The following CCDC183 variants were observed in gnomAD, a reference collection of about 807,000 sequenced individuals.
CCDC183 encodes coiled-coil domain containing 183.
CCDC183 carries 63 observed loss-of-function variants against 65.2 expected under a neutral mutation model. The ratio of observed to expected loss-of-function variants is 0.97; its 90% CI spans 0.79 to 1.19. The LOEUF is 1.19. Ranked by LOEUF, CCDC183 falls within the 50% of genes most tolerant of loss-of-function variation. The pLI, the probability that CCDC183 is intolerant of heterozygous loss-of-function variation, is 0.00. For synonymous variants in CCDC183, 323 were observed against 276.5 expected, an observed-to-expected ratio of 1.17 and a Z score of -1.67; for missense variants, 769 against 689.3, an observed-to-expected ratio of 1.12 and a Z score of -1.30.
At position 136,796,376 on chromosome 9, in the gene CCDC183, C is replaced by T. The variant is rs1046894569; in HGVS notation, c.-22C>T. 14 of 1,553,040 alleles carry T rather than the reference C, an allele frequency of 9.0e-6. No homozygotes were observed. Among genetic ancestry groups the T allele is most frequent in the Non-Finnish European group, 1.2e-5 (14 of 1,140,422 alleles). On this transcript the variant is annotated 5_prime_UTR_variant, in exon 1 of 14. Transcript: ENST00000338005. ...GGAGGCTTTGAGGTACACAGGGTCC[C>T]TTGGGGGGCCTGAGAGCAGCCATGA...
intron 1 of CCDC183, among the ~76,000 whole-genome samples, chr9:136,797,152 CTT>C (rs1847660498): frequency 6.6e-6 from 1 of 152,186 alleles, no homozygotes; most frequent in Admixed American, 6.5e-5. Context: ...CTCTGTTACT[CTT>C]TGCTACACTG....
chr9:136,796,914 G>A (rs1847657189), intron 1 of CCDC183, among the ~76,000 whole-genome samples: 2 of 152,128 alleles, frequency 1.3e-5, no homozygotes, highest in East Asian at 1.9e-4. Flanking sequence ...TCGTGGGAAA[G>A]GAAAGATCTT....
At chr9:136,798,585 C>G (rs1222855298) in intron 1 of CCDC183, among the ~76,000 whole-genome samples, 1 of 152,224 alleles carries the variant, frequency 6.6e-6, no homozygotes, top group Admixed American at 6.5e-5. Flanking sequence ...GTGTGAGCCA[C>G]CGCTCCTGGC....
At chr9:136,799,292 G>C in intron 2 of CCDC183, 69 bp downstream of exon 2, 1 of 1,516,050 alleles carries the variant, frequency 6.6e-7, no homozygotes, top group Non-Finnish European at 8.8e-7. Context: ...CACACTCGGA[G>C]GGCGGGCACC....
Position 136,799,750 on chromosome 9 carries a change from A to C in CCDC183, c.230A>C (p.Asn77Thr). The change falls in exon 3 of 14, where the codon AAC (asparagine) becomes ACC (threonine). Residue 77 changes from asparagine to threonine, a missense_variant. Transcript: ENST00000338005. ...ACCATCTCCAAGGCCTGCGGGAAAA[A>C]CTTGCCTTTGCGACTGGCGCACTGC... ...QWTISKACGK[N>T]LPLRLAHCRS... is the part of the protein sequence containing the mutation. 1 of 1,613,174 alleles carries C rather than the reference A, an allele frequency of 6.2e-7. No homozygotes were observed. Among genetic ancestry groups the C allele is most frequent in the South Asian group, 1.1e-5 (1 of 91,074 alleles).
At chr9:136,798,178 G>A (rs1020376949) in intron 1 of CCDC183, among the ~76,000 whole-genome samples, 1 of 151,378 alleles carries the variant, frequency 6.6e-6, no homozygotes, top group South Asian at 2.1e-4. Flanking sequence ...GCTAATTTTT[G>A]TATTTTTAGT....
At chr9:136,798,386 C>T (rs929745994) in intron 1 of CCDC183, among the ~76,000 whole-genome samples, 3 of 152,104 alleles carry the variant, frequency 2.0e-5, no homozygotes, top group Non-Finnish European at 2.9e-5. Context: ...CTGCAACCTC[C>T]ACCTCCTGGG....
At chr9:136,800,808 T>C in intron 5 of CCDC183, 1 of 296,800 alleles carries the variant, frequency 3.4e-6, no homozygotes, top group African/African-American at 2.2e-5. Context: ...TCCTGCACCC[T>C]CAGAAAGTCC....
In CCDC183 at chr9:136,804,327, C is replaced by T. The variant is rs115789630; in HGVS notation, c.667-175C>T. 11 of 819,346 alleles carry T rather than the reference C, an allele frequency of 1.3e-5. No homozygotes were observed. Among genetic ancestry groups the T allele is most frequent in the African/African-American group, 8.7e-5 (5 of 57,592 alleles). The allele number at this position is 819,346 out of a possible 1,614,324, so 50.8% of individuals were successfully genotyped here. ...GCTCTGAGGCATGGGCAAGGAGGGCCGTGAGCTGAGGGGCCACGGGCACAA... is the reference window on the plus strand; with the variant it reads ...GCTCTGAGGCATGGGCAAGGAGGGCTGTGAGCTGAGGGGCCACGGGCACAA... On this transcript the variant is annotated intron_variant, in intron 6 of 13. Transcript: ENST00000338005. The surrounding 1 kb of genome is among the most constrained non-coding windows in gnomAD (Gnocchi z 4.1).
chr9:136,803,596 G>C (rs1049668706), intron 6 of CCDC183, among the ~76,000 whole-genome samples: 5 of 152,202 alleles, frequency 3.3e-5, no homozygotes, highest in African/African-American at 9.7e-5. Flanking sequence ...CACTCATCCA[G>C]TAGTCCATGA....
At chr9:136,802,602 A>G in intron 5 of CCDC183, 62 bp from the exon 6 acceptor site, 3 of 1,544,238 alleles carry the variant, frequency 1.9e-6, no homozygotes, top group East Asian at 2.3e-5. Context: ...GTCGGGGGAT[A>G]AAAGCTCGGG....
In CCDC183 at chr9:136,806,885, G is replaced by A; in HGVS notation, c.1389+18G>A. On this transcript the variant is annotated intron_variant, in intron 12 of 13. Transcript: ENST00000338005. ...CCGAGGAGGTAGCCCCGGGCTGGGA[G>A]GAACCTGCACAGCCCACGTCCCCTC... 6.2e-7 allele frequency: 1 copy of A among 1,613,412 alleles called. No homozygotes were observed.
intron 2 of CCDC183, 39 bp downstream of exon 2, chr9:136,799,262 G>C (rs779719207): frequency 5.8e-6 from 9 of 1,564,378 alleles, no homozygotes; most frequent in Non-Finnish European, 7.8e-6. Context: ...CTGGCGAGCA[G>C]GGCAGGAGCT....
chr9:136,804,849 A>G lies in CCDC183; in HGVS notation c.847+33A>G, dbSNP rs753092206. 2.5e-6 allele frequency: 4 copies of G among 1,593,868 alleles called. No homozygotes were observed. The highest frequency in any genetic ancestry group is 2.2e-5 in the South Asian group (2 of 90,636). ...CTCAGCTCCCCACCTGCCCCCAGCC[A>G]GGGTCCCAAGGAGAGGCTGGCACTG... is the stretch of plus-strand genomic sequence containing the variant. On this transcript the variant is annotated intron_variant, in intron 8 of 13. Coordinates refer to ENST00000338005, the MANE Select transcript of CCDC183 (RefSeq NM_001039374.5). This position sits in a 1 kb window ranked among gnomAD's most constrained non-coding sequence, Gnocchi z 4.1.
At chr9:136,807,245 A>G in intron 13 of CCDC183, 179 bp downstream of exon 13, 1 of 653,862 alleles carries the variant, frequency 1.5e-6, no homozygotes, top group Admixed American at 2.8e-5. Context: ...TGGGGAGGCT[A>G]AAGCCACTGA....
At chr9:136,797,055 T>C (rs1360647270) in intron 1 of CCDC183, among the ~76,000 whole-genome samples, 2 of 152,170 alleles carry the variant, frequency 1.3e-5, no homozygotes, top group African/African-American at 4.8e-5. Flanking sequence ...TGTCTCAGTG[T>C]AAAGCCGACC....
chr9:136,796,857 G>C (rs568192137), intron 1 of CCDC183, among the ~76,000 whole-genome samples: 1 of 152,276 alleles, frequency 6.6e-6, no homozygotes, highest in Admixed American at 6.5e-5. Context: ...GGAAAGCCTG[G>C]GAATTGTCCA....
At chr9:136,801,681 G>T (rs1052472925) in intron 5 of CCDC183, among the ~76,000 whole-genome samples, 1 of 152,128 alleles carries the variant, frequency 6.6e-6, no homozygotes, top group Non-Finnish European at 1.5e-5. Flanking sequence ...ACTCCAGCCT[G>T]GGTGATAGAG....
chr9:136,799,010 TGGGGC>T, intron 1 of CCDC183, 87 bp from the exon 2 acceptor site: 3 of 1,559,402 alleles, frequency 1.9e-6, no homozygotes, highest in Non-Finnish European at 2.6e-6. Context: ...CCCTGGGGCC[TGGGGC>T]CTCCCTGATG....
Sources: gnomAD v4.1 joint callset for allele counts (sites outside exome capture counted in the v4.1 genomes callset) on GRCh38, gnomAD v4.1.1 for gene constraint, Gnocchi (gnomAD v3.1) non-coding constraint, MANE v1.5 for transcripts, NCBI Gene and HGNC (gene_info 2026-07-23, HGNC 2026-07-21) for gene names.